Variants in ETV1 observed in about 807,000 individuals in gnomAD.
ETV1 encodes ETS translocation variant 1.
A neutral mutation model predicts 62.3 loss-of-function variants in ETV1; 27 were observed. The observed-to-expected ratio is 0.43, with a 90% CI of 0.32 to 0.60. ETV1 has a LOEUF of 0.60. ETV1 is among the 20% of genes least tolerant of loss of function. ETV1 has a pLI of 0.06. For missense variants in ETV1, 605 were observed against 605.8 expected, an observed-to-expected ratio of 1.00 and a Z score of 0.01; for synonymous variants, 222 against 199.6, an observed-to-expected ratio of 1.11 and a Z score of -0.94.
At chr7:13,900,520 A>G (rs536612733) in intron 13 of ETV1, 2 of 412,772 alleles carry the variant, frequency 4.8e-6, no homozygotes, top group Admixed American at 4.4e-5. Flanking sequence ...CCTTCCAGAA[A>G]GCCTATTATT....
Position 13,911,314 on chromosome 7 carries a change from GA to G in ETV1, c.803-8del, listed in dbSNP as rs1400359598. On this transcript the variant is annotated splice_region_variant and splice_polypyrimidine_tract_variant and intron_variant, in intron 9 of 13. Transcript: ENST00000430479. ...GAGTGGCAGCTAGGCACTTCTGAAA[GA>G]GGAAACAATATTGGTCAAAAAGAGT... is the stretch of plus-strand genomic sequence containing the variant. 7.5e-6 allele frequency: 12 copies of G among 1,606,964 alleles called. No homozygotes were observed. Among genetic ancestry groups the G allele is most frequent in the Non-Finnish European group, 9.4e-6 (11 of 1,174,380 alleles).
At position 13,895,324 on chromosome 7, in the gene ETV1, T is replaced by C. The variant is rs1781666530; in HGVS notation, c.*542A>G. On this transcript the variant is annotated 3_prime_UTR_variant, in exon 14 of 14. Transcript: ENST00000430479. Reference sequence around the variant, plus strand: ...ACAGCAAATGCAATCGCTAAATACCTTTTTACAAGTGGTGCAAAAACAGTC... The same window carrying C: ...ACAGCAAATGCAATCGCTAAATACCCTTTTACAAGTGGTGCAAAAACAGTC... The C allele has an allele frequency of 4.3e-6, 1 of 234,022 alleles. No individual in the cohort carries two copies. Among genetic ancestry groups the C allele is most frequent in the East Asian group, 6.0e-5 (1 of 16,570 alleles). 14.5% of individuals were successfully genotyped at this position (234,022 alleles called of 1,614,324 possible). A position where few individuals can be genotyped will look rare whatever the true frequency, so the allele number is the denominator to read the frequency against.
chr7:13,990,759 C>A (rs1414156657), upstream of ETV1: 1 of 152,162 alleles, frequency 6.6e-6, no homozygotes, highest in Non-Finnish European at 1.5e-5. Flanking sequence ...CAACAGCGGA[C>A]GGGAGGCCGC....
intron 4 of ETV1, 80 bp downstream of exon 4, chr7:13,988,006 G>T: frequency 2.5e-6 from 2 of 788,860 alleles, no homozygotes; most frequent in Non-Finnish European, 4.5e-6. Flanking sequence ...TTTAAGATAA[G>T]ACTGAAGTGC....
At chr7:13,928,345 G>A (rs1785671027) in intron 9 of ETV1, among the ~76,000 whole-genome samples, 1 of 152,178 alleles carries the variant, frequency 6.6e-6, no homozygotes, top group Non-Finnish European at 1.5e-5. Flanking sequence ...GGCTGGGCGT[G>A]GTGGCTCACG....
At chr7:13,971,676 G>A (rs895123477) in intron 6 of ETV1, among the ~76,000 whole-genome samples, 2 of 152,172 alleles carry the variant, frequency 1.3e-5, no homozygotes, top group Non-Finnish European at 1.5e-5. Context: ...AAATGTAAAT[G>A]TGAAAGTCAC....
At chr7:13,930,758 T>C (rs1470231642) in intron 9 of ETV1, among the ~76,000 whole-genome samples, 2 of 152,002 alleles carry the variant, frequency 1.3e-5, no homozygotes, top group Non-Finnish European at 2.9e-5. Flanking sequence ...GTAAGAATTC[T>C]TACTTACGAA....
intron 13 of ETV1, among the ~76,000 whole-genome samples, chr7:13,896,735 G>GAAAA (rs1414133613): frequency 1.9e-5 from 1 of 51,448 alleles, no homozygotes; most frequent in Admixed American, 2.1e-4. Flanking sequence ...AAAAGAAAAA[G>GAAAA]AAAGAAAGGA....
rs1232762543 is a variant in ETV1 at position 13,892,775 on chromosome 7, T to A, written c.*3091A>T. 3 of 232,242 alleles carry A rather than the reference T, an allele frequency of 1.3e-5. No individual in the cohort carries two copies. The highest frequency in any genetic ancestry group is 2.6e-5 in the Non-Finnish European group (3 of 117,564). The allele number at this position is 232,242 out of a possible 1,614,324, so 14.4% of individuals were successfully genotyped here. A position where few individuals can be genotyped will look rare whatever the true frequency, so the allele number is the denominator to read the frequency against. On this transcript the variant is annotated 3_prime_UTR_variant, in exon 14 of 14. Transcript: ENST00000430479. ...GTGACCATGGAAGCAGAGATTGAAGTGATGTAGCCAGGAGCCAAGGAATGT... is the reference window on the plus strand; with the variant it reads ...GTGACCATGGAAGCAGAGATTGAAGAGATGTAGCCAGGAGCCAAGGAATGT...
At chr7:13,911,202 C>T (rs372459201) in intron 10 of ETV1, 37 bp downstream of exon 10, 79 of 1,423,482 alleles carry the variant, frequency 5.5e-5, no homozygotes, top group African/African-American at 3.8e-4. Flanking sequence ...TTATTCTGAA[C>T]GGTATTTACA....
chr7:13,947,036 A>T (rs915289131), intron 6 of ETV1, among the ~76,000 whole-genome samples: 1 of 152,154 alleles, frequency 6.6e-6, no homozygotes, highest in African/African-American at 2.4e-5. Context: ...TCGGCCTCCC[A>T]AAGTGCTGGG....
At chr7:13,980,691 A>G (rs1334034333) in intron 5 of ETV1, among the ~76,000 whole-genome samples, 1 of 152,142 alleles carries the variant, frequency 6.6e-6, no homozygotes, top group African/African-American at 2.4e-5. Context: ...TTAATAGACC[A>G]GTTGCCATCA....
chr7:13,928,354 C>T (rs993598908), intron 9 of ETV1, among the ~76,000 whole-genome samples: 2 of 152,112 alleles, frequency 1.3e-5, no homozygotes, highest in African/African-American at 2.4e-5. Flanking sequence ...TGGTGGCTCA[C>T]GCTTGTAATC....
chr7:13,916,366 G>A (rs1342227373), intron 9 of ETV1, among the ~76,000 whole-genome samples: 1 of 152,098 alleles, frequency 6.6e-6, no homozygotes, highest in Admixed American at 6.6e-5. Flanking sequence ...GGTCAGACGT[G>A]GTGGCTCACG....
intron 2 of ETV1, 30 bp from the exon 3 acceptor site, chr7:13,989,169 T>TAAA (rs10622991): frequency 1.7e-3 from 1,215 of 699,524 alleles, no homozygotes; most frequent in Middle Eastern, 2.7e-3. Flanking sequence ...CTTTTAGGCT[T>TAAA]AAAAAAAAAT....
chr7:13,904,503 G>A (rs1317906893), intron 12 of ETV1, among the ~76,000 whole-genome samples: 1 of 152,118 alleles, frequency 6.6e-6, no homozygotes, highest in East Asian at 1.9e-4. Flanking sequence ...AAAGTCAACA[G>A]TTGCTATATA....
chr7:13,973,762 T>C (rs1781136469), intron 6 of ETV1, among the ~76,000 whole-genome samples: 1 of 152,196 alleles, frequency 6.6e-6, no homozygotes, highest in Non-Finnish European at 1.5e-5. Context: ...CTGTAAATAT[T>C]CTCTAATTAA....
intron 6 of ETV1, among the ~76,000 whole-genome samples, chr7:13,953,476 G>T (rs796259465): frequency 1.3e-5 from 2 of 152,106 alleles, no homozygotes; most frequent in African/African-American, 4.8e-5. Flanking sequence ...ATTTAGAAGA[G>T]ACTGGGAAGT....
At chr7:13,900,618 A>G (rs1214051941) in intron 13 of ETV1, 120 bp downstream of exon 13, 3 of 674,048 alleles carry the variant, frequency 4.5e-6, no homozygotes, top group Non-Finnish European at 7.3e-6. Flanking sequence ...AGAGCTAAGC[A>G]TTTGTTAAAA....
Sources: allele counts gnomAD v4.1 joint callset (sites outside exome capture counted in the v4.1 genomes callset), GRCh38; gene constraint gnomAD v4.1.1; transcripts MANE v1.5; gene names NCBI Gene and HGNC (gene_info 2026-07-23, HGNC 2026-07-21).